Variants in ETF1 observed in about 807,000 individuals in gnomAD.
ETF1 encodes eukaryotic peptide chain release factor subunit 1.
ETF1 carries 4 observed loss-of-function variants against 55.1 expected under a neutral mutation model. The ratio of observed to expected loss-of-function variants is 0.07; its 90% CI spans 0.04 to 0.17. The LOEUF (loss-of-function observed/expected upper bound fraction) is 0.17. Ranked by LOEUF, ETF1 falls within the 10% of genes least tolerant of loss-of-function variation. ETF1 has a pLI of 1.00. For synonymous variants in ETF1, 157 were observed against 182.3 expected, an observed-to-expected ratio of 0.86 and a Z score of 1.12; for missense variants, 142 against 523.6, an observed-to-expected ratio of 0.27 and a Z score of 7.11.
At chr5:138,541,729 A>C (rs1766184080) in intron 2 of ETF1, 1 of 930,680 alleles carries the variant, frequency 1.1e-6, no homozygotes, top group Non-Finnish European at 1.4e-6. Context: ...ATGCTCAGAC[A>C]TACAAGTATG....
chr5:138,520,558 C>A (rs143106336), intron 2 of ETF1, among the ~76,000 whole-genome samples: 5 of 152,168 alleles, frequency 3.3e-5, no homozygotes, highest in Non-Finnish European at 7.4e-5. Flanking sequence ...TGGCTCACAC[C>A]TGTAATCCCA....
chr5:138,511,791 AT>A, intron 6 of ETF1, 187 bp from the exon 7 acceptor site: 3 of 981,784 alleles, frequency 3.1e-6, no homozygotes, highest in Non-Finnish European at 3.6e-6. Flanking sequence ...AGCACTGCCA[AT>A]TATATCACAC....
chr5:138,523,296 G>C (rs1264327698), intron 2 of ETF1, among the ~76,000 whole-genome samples: 1 of 152,210 alleles, frequency 6.6e-6, no homozygotes, highest in African/African-American at 2.4e-5. Flanking sequence ...GAACCCGGGA[G>C]GCGGAGGTTG....
chr5:138,507,414 A>G lies in ETF1; in HGVS notation c.*891T>C, dbSNP rs1764597918. 6.6e-6 allele frequency: 1 copy of G among 152,622 alleles called. No individual in the cohort carries two copies. The highest frequency in any genetic ancestry group is 2.4e-5 in the African/African-American group (1 of 41,432). The allele number at this position is 152,622 out of a possible 1,614,324, so 9.5% of individuals were successfully genotyped here. A position where few individuals can be genotyped will look rare whatever the true frequency, so the allele number is the denominator to read the frequency against. ...TTTTAACAAGGATTGACCCAAGCAA[A>G]ATAAAATCCTCTTTAAATTTCTTCG... On this transcript the variant is annotated 3_prime_UTR_variant, in exon 11 of 11. Transcript: ENST00000360541.
At chr5:138,508,924 T>C (rs2127060176) in intron 9 of ETF1, 108 bp from the exon 10 acceptor site, 4 of 1,493,224 alleles carry the variant, frequency 2.7e-6, no homozygotes, top group Non-Finnish European at 2.7e-6. Context: ...CTCCCATTTA[T>C]AGGCATGTCT....
At chr5:138,510,357 C>CAAAAAAAAAAAAAAAA (rs57906231) in intron 9 of ETF1, among the ~76,000 whole-genome samples, 4 of 64,804 alleles carry the variant, frequency 6.2e-5, no homozygotes, top group African/African-American at 2.4e-4. Flanking sequence ...GACCTTGTCT[C>CAAAAAAAAAAAAAAAA]AAAAAAAAAA....
chr5:138,524,781 T>A (rs1174269355), intron 2 of ETF1, among the ~76,000 whole-genome samples: 1 of 151,946 alleles, frequency 6.6e-6, no homozygotes, highest in Non-Finnish European at 1.5e-5. Flanking sequence ...TTTCACCATG[T>A]TGGCCAGGAT....
At chr5:138,535,348 T>C (rs79320753) in intron 2 of ETF1, among the ~76,000 whole-genome samples, 3 of 148,868 alleles carry the variant, frequency 2.0e-5, no homozygotes, top group African/African-American at 7.4e-5. Context: ...CTTTTTTTTT[T>C]GAGACAGAGA....
intron 2 of ETF1, 54 bp downstream of exon 2, chr5:138,542,779 C>G: frequency 6.2e-7 from 1 of 1,601,256 alleles, no homozygotes; most frequent in Non-Finnish European, 8.5e-7. Flanking sequence ...GGGCGTCCAT[C>G]CTGAGGGGTC....
At chr5:138,508,990 G>A in intron 9 of ETF1, 174 bp from the exon 10 acceptor site, 5 of 980,908 alleles carry the variant, frequency 5.1e-6, no homozygotes, top group Non-Finnish European at 6.1e-6. Flanking sequence ...GATATCAGCA[G>A]AGAAATTCGG....
intron 2 of ETF1, among the ~76,000 whole-genome samples, chr5:138,530,729 A>G (rs1765664278): frequency 6.6e-6 from 1 of 150,868 alleles, no homozygotes; most frequent in Admixed American, 6.6e-5. Context: ...ACGCGCCACA[A>G]TGCCTGGCTA....
At chr5:138,519,681 T>C (rs1356537044) in intron 2 of ETF1, among the ~76,000 whole-genome samples, 1 of 149,566 alleles carries the variant, frequency 6.7e-6, no homozygotes, top group East Asian at 2.0e-4. Context: ...AAAAAAAAAA[T>C]CTCTCTCTCA....
At chr5:138,510,737 T>C in intron 8 of ETF1, 108 bp from the exon 9 acceptor site, 1 of 1,438,870 alleles carries the variant, frequency 6.9e-7, no homozygotes. Context: ...ACTCAATCTC[T>C]CAACATTTTT....
intron 2 of ETF1, among the ~76,000 whole-genome samples, chr5:138,533,802 T>C (rs1013842761): frequency 2.6e-5 from 4 of 152,224 alleles, no homozygotes; most frequent in Non-Finnish European, 4.4e-5. Flanking sequence ...CAAACCATCA[T>C]ACTATATTAG....
intron 9 of ETF1, 117 bp from the exon 10 acceptor site, chr5:138,508,933 CTG>C (rs1170795826): frequency 6.8e-7 from 1 of 1,480,988 alleles, no homozygotes; most frequent in Non-Finnish European, 8.9e-7. Context: ...ATAGGCATGT[CTG>C]TGTGTAAAGC....
At chr5:138,539,978 GCA>G (rs1428387131) in intron 2 of ETF1, among the ~76,000 whole-genome samples, 1 of 152,124 alleles carries the variant, frequency 6.6e-6, no homozygotes, top group African/African-American at 2.4e-5. Context: ...ATGTACTGTA[GCA>G]CAGTCTATAA....
Position 138,512,971 on chromosome 5 carries a change from G to C in ETF1, c.542-17C>G. The C allele has an allele frequency of 6.7e-7, 1 of 1,490,784 alleles. No individual in the cohort carries two copies. The highest frequency in any genetic ancestry group is 8.9e-7 in the Non-Finnish European group (1 of 1,126,824). The allele number at this position is 1,490,784 out of a possible 1,614,324, so 92.3% of individuals were successfully genotyped here. On this transcript the variant is annotated splice_polypyrimidine_tract_variant and intron_variant, in intron 5 of 10. Coordinates refer to ENST00000360541, the MANE Select transcript of ETF1 (RefSeq NM_004730.4). ...CTCCTCTACCTTTGACACAAAAGTA[G>C]CAAGAGAAAAAGGCAATTATTAAGA...
At chr5:138,532,360 G>A (rs991875897) in intron 2 of ETF1, among the ~76,000 whole-genome samples, 2 of 152,198 alleles carry the variant, frequency 1.3e-5, no homozygotes, top group African/African-American at 2.4e-5. Flanking sequence ...CCGTGTGACC[G>A]AAGGCAAACC....
intron 2 of ETF1, 136 bp downstream of exon 2, chr5:138,542,697 G>C (rs1766235482): frequency 2.7e-6 from 4 of 1,495,534 alleles, no homozygotes; most frequent in Non-Finnish European, 1.8e-6. Flanking sequence ...TGGGTCAGGG[G>C]CTACTACCCA....
Sources: allele counts gnomAD v4.1 joint callset (sites outside exome capture counted in the v4.1 genomes callset), GRCh38; gene constraint gnomAD v4.1.1; transcripts MANE v1.5; gene names NCBI Gene and HGNC (gene_info 2026-07-23, HGNC 2026-07-21).